The following MS4A6A variants were observed in gnomAD, a reference collection of about 807,000 sequenced individuals.
MS4A6A encodes membrane-spanning 4-domains subfamily A member 6A.
A neutral mutation model predicts 20.6 loss-of-function variants in MS4A6A; 19 were observed. The observed-to-expected ratio is 0.92, with a 90% CI of 0.64 to 1.36. MS4A6A has a LOEUF of 1.36. Ranked by LOEUF, MS4A6A falls within the 40% of genes most tolerant of loss-of-function variation. MS4A6A has a pLI of 0.00. For missense variants in MS4A6A, 272 were observed against 261.1 expected (o/e 1.04, Z -0.29); for synonymous variants, 108 against 105.0 (o/e 1.03, Z -0.17).
intron 2 of MS4A6A, chr11:60,181,197 G>A: frequency 2.7e-6 from 1 of 375,846 alleles, no homozygotes; most frequent in Non-Finnish European, 5.1e-6. Context: ...CCTCTAATTT[G>A]CAGTGAGGGA....
At chr11:60,179,193 C>CATCTATGAA (rs928941101) in intron 3 of MS4A6A, among the ~76,000 whole-genome samples, 1 of 152,094 alleles carries the variant, frequency 6.6e-6, no homozygotes, top group Admixed American at 6.5e-5. Flanking sequence ...AAGGAAAAAA[C>CATCTATGAA]ATCTATGAAA....
chr11:60,178,353 T>A (rs778431004), intron 3 of MS4A6A, 37 bp from the exon 4 acceptor site: 2 of 1,557,958 alleles, frequency 1.3e-6, no homozygotes, highest in Non-Finnish European at 1.8e-6. Flanking sequence ...TCAGATTCCA[T>A]GTACAGAGTA....
chr11:60,181,453 C>G, intron 2 of MS4A6A, 128 bp downstream of exon 2: 1 of 1,132,400 alleles, frequency 8.8e-7, no homozygotes, highest in Non-Finnish European at 1.3e-6. Context: ...CAAGTGGCTT[C>G]TACCCTAAAG....
Position 60,181,647 on chromosome 11 carries a change from G to T in MS4A6A, c.81C>A (p.Pro27=). The change falls in exon 2 of 6, where the codon CCC becomes CCA. Residue 27 remains proline, a synonymous_variant. Transcript: ENST00000528851. ...NVINFSQAEK[P]EPTNQGQDSL... ...TATCCTGCCCCTGGTTGGTGGGTTCGGGTTTCTCTGCTTGGGAGAAGTTGA... is the reference window on the plus strand; with the variant it reads ...TATCCTGCCCCTGGTTGGTGGGTTCTGGTTTCTCTGCTTGGGAGAAGTTGA... 1.2e-6 allele frequency: 2 copies of T among 1,614,098 alleles called. No homozygotes were observed. The highest frequency in any genetic ancestry group is 1.7e-6 in the Non-Finnish European group (2 of 1,179,996).
intron 3 of MS4A6A, 105 bp downstream of exon 3, chr11:60,179,726 C>T (rs1277777348): frequency 2.2e-6 from 3 of 1,344,996 alleles, no homozygotes; most frequent in Non-Finnish European, 3.2e-6. Flanking sequence ...TGACTCCTTG[C>T]TCCTGGCAGA....
Position 60,182,995 on chromosome 11 carries a change from A to C in MS4A6A, c.-32T>G. 7.2e-7 allele frequency: 1 copy of C among 1,393,860 alleles called. No homozygotes were observed. 86.3% of individuals were successfully genotyped at this position (1,393,860 alleles called of 1,614,324 possible). The stretch of plus-strand genomic sequence containing the variant: ...TTACCTACCTGTGCCCGTTGGTTCC[A>C]GCTGAGTCCTCAGAAGCTCCAAAGA... On this transcript the variant is annotated 5_prime_UTR_variant, in exon 1 of 6. Transcript: ENST00000528851.
chr11:60,179,531 C>T, intron 3 of MS4A6A: 7 of 575,042 alleles, frequency 1.2e-5, no homozygotes, highest in South Asian at 2.3e-5. Flanking sequence ...CAACTTTATC[C>T]TAATTCATGG....
intron 2 of MS4A6A, chr11:60,181,044 G>T (rs201300862): frequency 4.4e-6 from 2 of 454,010 alleles, no homozygotes; most frequent in Non-Finnish European, 4.4e-6. Context: ...ATCCAAGATA[G>T]ATCCCTTCTT....
chr11:60,172,309 G>A (rs1314096599), downstream of MS4A6A: 17 of 1,595,214 alleles, frequency 1.1e-5, no homozygotes, highest in Non-Finnish European at 1.5e-5. Context: ...CAAGATAGAT[G>A]TATATATGCC....
upstream of MS4A6A, chr11:60,183,871 A>C (rs562623026): frequency 9.2e-5 from 14 of 152,434 alleles, no homozygotes; most frequent in African/African-American, 3.1e-4. Context: ...AAATGAATTC[A>C]GTAAACTCAT....
At chr11:60,179,403 A>T (rs1160268840) in intron 3 of MS4A6A, 1 of 441,670 alleles carries the variant, frequency 2.3e-6, no homozygotes, top group Non-Finnish European at 4.0e-6. Context: ...CAGAGGTGTA[A>T]GTTCTCCTTC....
At chr11:60,181,332 T>C in intron 2 of MS4A6A, 1 of 533,990 alleles carries the variant, frequency 1.9e-6, no homozygotes, top group South Asian at 2.3e-5. Context: ...AAAAGCACTG[T>C]ATTGTAAAAA....
intron 4 of MS4A6A, among the ~76,000 whole-genome samples, chr11:60,176,547 G>A (rs1856847167): frequency 6.6e-6 from 1 of 152,102 alleles, no homozygotes; most frequent in African/African-American, 2.4e-5. Context: ...GTTACAGGTA[G>A]GTAGGCTCCA....
chr11:60,179,803 T>A, intron 3 of MS4A6A, 28 bp downstream of exon 3: 1 of 1,613,882 alleles, frequency 6.2e-7, no homozygotes, highest in Non-Finnish European at 8.5e-7. Context: ...CTTTGCCCCA[T>A]CCTGCCCTCC....
chr11:60,184,185 C>T (rs1405870474), upstream of MS4A6A: 1 of 152,242 alleles, frequency 6.6e-6, no homozygotes, highest in Non-Finnish European at 1.5e-5. Flanking sequence ...TGGATTAGTT[C>T]TCAGCGTCTG....
In MS4A6A at chr11:60,175,561, C is replaced by CT; in HGVS notation, c.389_390insA (p.Ile133HisfsTer18). The CT allele has an allele frequency of 1.2e-6, 2 of 1,613,944 alleles. No individual in the cohort carries two copies. The highest frequency in any genetic ancestry group is 1.7e-6 in the Non-Finnish European group (2 of 1,180,012). On this transcript the variant is annotated frameshift_variant, in exon 5 of 6. Transcript: ENST00000528851. LOFTEE classifies it high-confidence loss of function. ...GTTTGACAGACAGGATAATGAAACC[C>CT]ACCAGGGCAGACAGAGCACTCAGAA...
chr11:60,175,642 G>A (rs762071748), intron 4 of MS4A6A, 31 bp from the exon 5 acceptor site: 7 of 1,598,248 alleles, frequency 4.4e-6, no homozygotes, highest in Non-Finnish European at 1.7e-6. Flanking sequence ...AAGGATCATT[G>A]CTAATGACTC....
chr11:60,175,212 C>T (rs1447474876), intron 5 of MS4A6A, among the ~76,000 whole-genome samples, 190 bp downstream of exon 5: 1 of 152,234 alleles, frequency 6.6e-6, no homozygotes, highest in Non-Finnish European at 1.5e-5. Flanking sequence ...TTAACATTTT[C>T]AATTCCACTC....
intron 2 of MS4A6A, chr11:60,181,325 A>G (rs1857121377): frequency 1.9e-6 from 1 of 514,914 alleles, no homozygotes; most frequent in Non-Finnish European, 3.5e-6. Context: ...AATATAGAAA[A>G]GCACTGTATT....
Sources: allele counts gnomAD v4.1 joint callset (sites outside exome capture counted in the v4.1 genomes callset), GRCh38; gene constraint gnomAD v4.1.1; transcripts MANE v1.5; gene names NCBI Gene and HGNC (gene_info 2026-07-23, HGNC 2026-07-21).